MARCHF1: variants seen among roughly 807,000 people sequenced by gnomAD.
MARCHF1 encodes E3 ubiquitin-protein ligase MARCHF1.
Under a neutral mutation model 54.2 loss-of-function variants are expected in MARCHF1, and 40 were observed. The observed-to-expected ratio is 0.74, with a 90% CI of 0.57 to 0.96. MARCHF1 has a LOEUF of 0.96. Among genes scored for constraint, MARCHF1 ranks in the 40% least tolerant of loss-of-function variants. MARCHF1 has a pLI of 0.00. For missense variants in MARCHF1, 586 were observed against 656.5 expected (o/e 0.89, Z 1.17); for synonymous variants, 236 against 236.3 (o/e 1.00, Z 0.01).
chr4:164,197,316 G>A (rs1560949494), intron 1 of MARCHF1: 15 of 1,612,186 alleles, frequency 9.3e-6, no homozygotes, highest in Non-Finnish European at 1.2e-5. Context: ...GGAGAAGCTT[G>A]AACACGTTTT....
chr4:164,014,281 CTTTG>C (rs926098518), intron 2 of MARCHF1, among the ~76,000 whole-genome samples: 1 of 151,646 alleles, frequency 6.6e-6, no homozygotes, highest in African/African-American at 2.4e-5. Flanking sequence ...TTAGTTTTCT[CTTTG>C]TTTGCTTTTT....
intron 5 of MARCHF1, among the ~76,000 whole-genome samples, chr4:163,653,456 T>C (rs766464006): frequency 1.1e-4 from 17 of 151,686 alleles, no homozygotes; most frequent in Admixed American, 5.3e-4. Flanking sequence ...GTGTAGAGAA[T>C]AGAGTTTATG....
intron 4 of MARCHF1, among the ~76,000 whole-genome samples, chr4:163,736,907 T>C (rs991328736): frequency 3.9e-5 from 6 of 152,176 alleles, no homozygotes. Flanking sequence ...TATCATTTTT[T>C]AGTTTTCTCC....
Position 163,526,273 on chromosome 4 carries a change from C to A in MARCHF1, c.*2475G>T, listed in dbSNP as rs563340405. On this transcript the variant is annotated 3_prime_UTR_variant, in exon 10 of 10. Transcript: ENST00000514618. Reference sequence around the variant, plus strand: ...CTTTATTTTAGCCGATCATCCTCCACTGTGAAATCAGCCCTGCAACGTATC... The same window carrying A: ...CTTTATTTTAGCCGATCATCCTCCAATGTGAAATCAGCCCTGCAACGTATC... 6.6e-6 allele frequency: 1 copy of A among 152,216 alleles called. No homozygotes were observed. The highest frequency in any genetic ancestry group is 1.9e-4 in the East Asian group (1 of 5,186). The allele number at this position is 152,216 out of a possible 1,614,324, so 9.4% of individuals were successfully genotyped here. A position where few individuals can be genotyped will look rare whatever the true frequency, so the allele number is the denominator to read the frequency against.
intron 1 of MARCHF1, among the ~76,000 whole-genome samples, chr4:164,186,329 C>A (rs1220702690): frequency 6.6e-6 from 1 of 152,196 alleles, no homozygotes; most frequent in Non-Finnish European, 1.5e-5. Flanking sequence ...TGGTGAATGG[C>A]TCTCTTTTTT....
intron 2 of MARCHF1, among the ~76,000 whole-genome samples, chr4:164,026,109 A>AC (rs1333163418): frequency 1.6e-4 from 25 of 152,090 alleles, no homozygotes; most frequent in Middle Eastern, 3.4e-3. Context: ...AACAACAACA[A>AC]AAAATTGCTG....
At chr4:164,101,900 A>G (rs1315164198) in intron 2 of MARCHF1, among the ~76,000 whole-genome samples, 1 of 151,586 alleles carries the variant, frequency 6.6e-6, no homozygotes, top group African/African-American at 2.4e-5. Flanking sequence ...TAGAAGAACC[A>G]ATACAGAGAA....
At chr4:164,283,238 T>C (rs1734069517) in intron 1 of MARCHF1, among the ~76,000 whole-genome samples, 1 of 151,048 alleles carries the variant, frequency 6.6e-6, no homozygotes, top group Non-Finnish European at 1.5e-5. Flanking sequence ...AACACAAAAA[T>C]TCAAATGGAT....
At chr4:163,972,585 C>A (rs773347075) in intron 3 of MARCHF1, among the ~76,000 whole-genome samples, 1 of 152,064 alleles carries the variant, frequency 6.6e-6, no homozygotes, top group Non-Finnish European at 1.5e-5. Flanking sequence ...CTTGCTCAGC[C>A]GCCCAGGCTG....
intron 1 of MARCHF1, among the ~76,000 whole-genome samples, chr4:164,178,004 T>C (rs1250255048): frequency 6.6e-6 from 1 of 152,148 alleles, no homozygotes; most frequent in Non-Finnish European, 1.5e-5. Context: ...AGAATGTCAC[T>C]GAAATATGCT....
chr4:164,220,798 A>G (rs1029331392), intron 1 of MARCHF1, among the ~76,000 whole-genome samples: 1 of 148,704 alleles, frequency 6.7e-6, no homozygotes, highest in African/African-American at 2.5e-5. Context: ...ATACTTTCTG[A>G]AAAGTATTAA....
intron 2 of MARCHF1, among the ~76,000 whole-genome samples, chr4:164,102,044 C>T (rs1379760675): frequency 5.7e-5 from 5 of 88,164 alleles, no homozygotes; most frequent in Non-Finnish European, 1.2e-4. Context: ...TGAAATGAAA[C>T]GAGAAGGGAA....
intron 3 of MARCHF1, among the ~76,000 whole-genome samples, chr4:163,858,775 G>A (rs1749838902): frequency 6.6e-6 from 1 of 152,170 alleles, no homozygotes; most frequent in African/African-American, 2.4e-5. Flanking sequence ...TGCTGCTGTG[G>A]ACCTCTGAGT....
At chr4:163,719,070 G>A (rs1026502036) in intron 4 of MARCHF1, among the ~76,000 whole-genome samples, 42 of 152,226 alleles carry the variant, frequency 2.8e-4, no homozygotes, top group East Asian at 3.9e-4. Flanking sequence ...TAGGGTACAC[G>A]TGCACCATGT....
intron 2 of MARCHF1, among the ~76,000 whole-genome samples, chr4:164,079,952 C>G (rs1167414754): frequency 6.6e-6 from 1 of 152,044 alleles, no homozygotes; most frequent in Non-Finnish European, 1.5e-5. Context: ...TAAACCATAC[C>G]TCACTATTCA....
At chr4:164,339,037 A>G (rs1729840438) in intron 1 of MARCHF1, among the ~76,000 whole-genome samples, 2 of 152,208 alleles carry the variant, frequency 1.3e-5, no homozygotes. Context: ...TTGTAAATAT[A>G]TATATGCACC....
At chr4:163,748,614 G>T (rs1371674331) in intron 4 of MARCHF1, among the ~76,000 whole-genome samples, 2 of 152,146 alleles carry the variant, frequency 1.3e-5, no homozygotes, top group Admixed American at 1.3e-4. Flanking sequence ...CAGCATTTAT[G>T]TATGGAAAGA....
intron 5 of MARCHF1, among the ~76,000 whole-genome samples, chr4:163,619,203 A>G (rs999165195): frequency 6.6e-6 from 1 of 152,192 alleles, no homozygotes; most frequent in African/African-American, 2.4e-5. Flanking sequence ...TATTGCAAGT[A>G]TTCAGCAGGA....
chr4:164,268,878 T>G (rs1733675329), intron 1 of MARCHF1, among the ~76,000 whole-genome samples: 1 of 152,144 alleles, frequency 6.6e-6, no homozygotes, highest in Non-Finnish European at 1.5e-5. Context: ...CTCAGCAACT[T>G]AACGGAAGGA....
Sources: gnomAD v4.1 joint callset for allele counts (sites outside exome capture counted in the v4.1 genomes callset) on GRCh38, gnomAD v4.1.1 for gene constraint, MANE v1.5 for transcripts, NCBI Gene and HGNC (gene_info 2026-07-23, HGNC 2026-07-21) for gene names.